The following TEAD1 variants were observed in gnomAD, a reference collection of about 807,000 sequenced individuals.
The protein encoded by TEAD1 is transcriptional enhancer factor TEF-1.
In TEAD1, 9 loss-of-function variants were observed where a neutral mutation model predicts 54.9. The observed-to-expected ratio is 0.16, with a 90% confidence interval of 0.10 to 0.29. The LOEUF (loss-of-function observed/expected upper bound fraction) is 0.29. TEAD1 is among the 10% of genes least tolerant of loss of function. The pLI is 1.00. For missense variants in TEAD1, 387 were observed against 535.9 expected, an observed-to-expected ratio of 0.72 and a Z score of 2.74; for synonymous variants, 200 against 187.8, an observed-to-expected ratio of 1.07 and a Z score of -0.53.
At chr11:12,864,617 T>TTTTGTTTTGTTTTGTTTTGTTTTG (rs1564968511) in intron 4 of TEAD1, 11 of 954,790 alleles carry the variant, frequency 1.2e-5, no homozygotes, top group Non-Finnish European at 1.6e-5. Context: ...TTGATTTCCT[T>TTTTGTTTTGTTTTGTTTTGTTTTG]TTTTGTTTTG....
chr11:12,886,859 A>G (rs995224660), intron 9 of TEAD1, among the ~76,000 whole-genome samples: 3 of 152,106 alleles, frequency 2.0e-5, no homozygotes, highest in Non-Finnish European at 1.5e-5. Flanking sequence ...GAAAATAATA[A>G]TACCCCCTAA....
At chr11:12,749,168 T>C (rs1326067953) in intron 2 of TEAD1, among the ~76,000 whole-genome samples, 1 of 152,076 alleles carries the variant, frequency 6.6e-6, no homozygotes, top group Admixed American at 6.5e-5. Flanking sequence ...TGGGGGACTT[T>C]TGGCTTCTGA....
chr11:12,730,225 TTTA>T (rs1476342407), intron 2 of TEAD1, among the ~76,000 whole-genome samples: 1 of 152,134 alleles, frequency 6.6e-6, no homozygotes, highest in African/African-American at 2.4e-5. Flanking sequence ...TGTATAGCAC[TTTA>T]TTGTTTACAA....
chr11:12,834,546 T>C (rs1460554905), intron 3 of TEAD1, among the ~76,000 whole-genome samples: 1 of 152,228 alleles, frequency 6.6e-6, no homozygotes, highest in Non-Finnish European at 1.5e-5. Flanking sequence ...GGAAGTGTGT[T>C]GCACAACGCC....
At chr11:12,856,757 T>C (rs1659284558) in intron 3 of TEAD1, among the ~76,000 whole-genome samples, 1 of 152,150 alleles carries the variant, frequency 6.6e-6, no homozygotes, top group Non-Finnish European at 1.5e-5. Flanking sequence ...AGCAGATGTT[T>C]CCTTAGAGAA....
intron 3 of TEAD1, among the ~76,000 whole-genome samples, chr11:12,814,814 T>TCC (rs1946381668): frequency 9.1e-6 from 1 of 109,726 alleles, no homozygotes; most frequent in Non-Finnish European, 2.1e-5. Flanking sequence ...TGTGTGTGTG[T>TCC]GTGTGTGTGT....
chr11:12,787,539 G>A (rs911784952), intron 3 of TEAD1, among the ~76,000 whole-genome samples: 1 of 152,058 alleles, frequency 6.6e-6, no homozygotes. Context: ...GTTGTTTTTC[G>A]TTGCACAGAT....
rs1037801907 is a variant in TEAD1, at chr11:12,943,206, CAAATG to C, written c.*5988_*5992del. 7.9e-5 allele frequency: 12 copies of C among 152,274 alleles called. No homozygotes were observed. The highest frequency in any genetic ancestry group is 7.2e-4 in the Admixed American group (11 of 15,282). 9.4% of individuals were successfully genotyped at this position (152,274 alleles called of 1,614,324 possible). A position where few individuals can be genotyped will look rare whatever the true frequency, so the allele number is the denominator to read the frequency against. The stretch of plus-strand genomic sequence containing the variant: ...ATTTGTGCAAACAAACAAAAACTAT[CAAATG>C]AAAAGAAAATGTACTCAACCTAACT... On this transcript the variant is annotated 3_prime_UTR_variant, in exon 13 of 13. Transcript: ENST00000527636.
chr11:12,780,786 G>A (rs993357481), intron 3 of TEAD1, among the ~76,000 whole-genome samples: 3 of 152,160 alleles, frequency 2.0e-5, no homozygotes, highest in African/African-American at 7.2e-5. Flanking sequence ...CCTACAAATT[G>A]ATCTACAGAT....
At chr11:12,894,324 G>A (rs1442577398) in intron 9 of TEAD1, among the ~76,000 whole-genome samples, 2 of 152,108 alleles carry the variant, frequency 1.3e-5, no homozygotes, top group Non-Finnish European at 1.5e-5. Flanking sequence ...CTGAGGACTA[G>A]CAGATTTGTA....
rs113857179 is a variant in TEAD1, at chr11:12,780,049, G to A, written c.202+15615G>A. 2.7e-3 allele frequency among the ~76,000 whole-genome samples: 416 copies of A among 152,118 alleles called. 1 individual carries two copies. The highest frequency in any genetic ancestry group is 9.6e-3 in the African/African-American group (399 of 41,490). ...ACTCCTTCCCTTCAATATTATACTG[G>A]AGTAAGAGCAATTGTACAAGGAAAT... is the stretch of plus-strand genomic sequence containing the variant. On this transcript the variant is annotated intron_variant, in intron 3 of 12. Transcript: ENST00000527636.
At chr11:12,675,787 C>T (rs976551369) in intron 2 of TEAD1, among the ~76,000 whole-genome samples, 4 of 152,154 alleles carry the variant, frequency 2.6e-5, no homozygotes, top group Admixed American at 1.3e-4. Flanking sequence ...GAGTCGAAAA[C>T]AATGAGGACT....
intron 3 of TEAD1, among the ~76,000 whole-genome samples, chr11:12,800,001 T>C (rs945144345): frequency 3.3e-5 from 5 of 152,200 alleles, no homozygotes; most frequent in Non-Finnish European, 7.3e-5. Flanking sequence ...TTTGCAAGGC[T>C]TTTCTTGATA....
chr11:12,804,550 CAT>C lies in TEAD1; in HGVS notation c.202+40117_202+40118del, dbSNP rs571226700. 1.3e-3 allele frequency among the ~76,000 whole-genome samples: 191 copies of C among 152,284 alleles called. 1 individual carries two copies. The highest frequency in any genetic ancestry group is 4.0e-3 in the African/African-American group (168 of 41,552). ...TTAGTTAATACCTAAGAGTGACAAA[CAT>C]GTGTTGTAATGGGAGATCAGTACTA... On this transcript the variant is annotated intron_variant, in intron 3 of 12. Transcript: ENST00000527636.
At chr11:12,749,741 G>T (rs1944827165) in intron 2 of TEAD1, among the ~76,000 whole-genome samples, 1 of 152,184 alleles carries the variant, frequency 6.6e-6, no homozygotes, top group African/African-American at 2.4e-5. Flanking sequence ...GTGGTCTTGT[G>T]CCCACAGCAG....
intron 11 of TEAD1, among the ~76,000 whole-genome samples, chr11:12,929,503 T>C (rs1948974608): frequency 6.6e-6 from 1 of 152,066 alleles, no homozygotes; most frequent in Admixed American, 6.6e-5. Context: ...CATATGAGGC[T>C]ACTTCATTAA....
At chr11:12,777,242 C>A (rs1409560271) in intron 3 of TEAD1, among the ~76,000 whole-genome samples, 1 of 152,040 alleles carries the variant, frequency 6.6e-6, no homozygotes, top group Admixed American at 6.5e-5. Flanking sequence ...CATTGTAGTC[C>A]CCCCGCCTTT....
chr11:12,881,854 G>A (rs748811413), intron 7 of TEAD1, 42 bp from the exon 8 acceptor site: 179 of 1,608,302 alleles, frequency 1.1e-4, no homozygotes, highest in Non-Finnish European at 1.5e-4. Flanking sequence ...CCCTGCTGCA[G>A]ATGCGATCTC....
At chr11:12,763,129 C>G (rs1012686437) in intron 2 of TEAD1, among the ~76,000 whole-genome samples, 2 of 152,158 alleles carry the variant, frequency 1.3e-5, no homozygotes, top group African/African-American at 2.4e-5. Flanking sequence ...TGGATTAGAT[C>G]ATTTTCACAT....
Sources: allele counts gnomAD v4.1 joint callset (sites outside exome capture counted in the v4.1 genomes callset), GRCh38; gene constraint gnomAD v4.1.1; transcripts MANE v1.5; gene names NCBI Gene and HGNC (gene_info 2026-07-23, HGNC 2026-07-21).